RIC3: variants seen among roughly 807,000 people sequenced by gnomAD.
RIC3 encodes RIC3 acetylcholine receptor chaperone, also known as protein RIC-3.
In RIC3, 28 loss-of-function variants were observed where a neutral mutation model predicts 27.3. That is an observed-to-expected ratio of 1.02 (90% CI 0.76 to 1.41). The LOEUF (loss-of-function observed/expected upper bound fraction) is 1.41, where lower values mean the gene tolerates loss of function less well. Ranked by LOEUF, RIC3 falls within the 40% of genes most tolerant of loss-of-function variation. The pLI, the probability that RIC3 is intolerant of heterozygous loss-of-function variation, is 0.00. For synonymous variants in RIC3, 184 were observed against 160.4 expected, an observed-to-expected ratio of 1.15 and a Z score of -1.11; for missense variants, 501 against 444.7, an observed-to-expected ratio of 1.13 and a Z score of -1.14.
At chr11:8,111,826 G>C (rs1481262824) in intron 5 of RIC3, among the ~76,000 whole-genome samples, 1 of 152,228 alleles carries the variant, frequency 6.6e-6, no homozygotes, top group South Asian at 2.1e-4. Flanking sequence ...CTAGGATAAT[G>C]AGAAAAGAGA....
chr11:8,094,088 C>T, the RIC3 span: 21 of 1,614,186 alleles, frequency 1.3e-5, no homozygotes, highest in Non-Finnish European at 1.7e-5. Context: ...CTGGGAGCCA[C>T]GCGCCCAACA....
chr11:8,096,925 T>G, the RIC3 span: 121 of 1,196,664 alleles, frequency 1.0e-4, 4 homozygotes, highest in South Asian at 1.6e-3. Flanking sequence ...TGGCCTCTTA[T>G]GTCCCTCTAC....
Position 8,168,918 on chromosome 11 carries a change from G to C in RIC3, c.72C>G (p.Pro24=), listed in dbSNP as rs1004047956. The C allele has an allele frequency of 6.2e-7, 1 of 1,612,192 alleles. No homozygotes were observed. The highest frequency in any genetic ancestry group is 8.5e-7 in the Non-Finnish European group (1 of 1,179,134). ...GLVLALSLLL[P]KAFLSRGKRQ... is the part of the protein sequence containing the mutation. ...GCTTCCCGCGGGACAGGAAGGCCTT[G>C]GGCAGCAGCAGCGACAGAGCCAGGA... Residue 24 remains proline, a synonymous_variant, in exon 1 of 6, where the codon CCC becomes CCG. Coordinates refer to ENST00000309737, the MANE Select transcript of RIC3 (RefSeq NM_001206671.4).
At chr11:8,151,414 C>T (rs933866909) in intron 1 of RIC3, among the ~76,000 whole-genome samples, 4 of 150,530 alleles carry the variant, frequency 2.7e-5, no homozygotes, top group Admixed American at 1.3e-4. Flanking sequence ...GGTGAAACCC[C>T]GTCTCTACTA....
intron 5 of RIC3, among the ~76,000 whole-genome samples, chr11:8,119,725 C>A (rs1321491988): frequency 6.6e-6 from 1 of 152,158 alleles, no homozygotes; most frequent in African/African-American, 2.4e-5. Context: ...AGCTTCTGCA[C>A]AGCAAAAGAA....
At chr11:8,148,790 A>G (rs762235159) in intron 1 of RIC3, among the ~76,000 whole-genome samples, 1 of 152,144 alleles carries the variant, frequency 6.6e-6, no homozygotes, top group South Asian at 2.1e-4. Context: ...AAAGACATAA[A>G]TAACAGCAGC....
In RIC3 at chr11:8,134,195, T is replaced by A. The variant is rs185814729; in HGVS notation, c.521+3183A>T. On this transcript the variant is annotated intron_variant, in intron 4 of 5. Transcript: ENST00000309737. ...AGTGTGTGATGTTCCCCTTCCTGTG[T>A]CCAAGTGTTCTCATTGTTCAATTCC... is the stretch of plus-strand genomic sequence containing the variant. Among the ~76,000 whole-genome samples the A allele has an allele frequency of 5.0e-3, 756 of 152,242 alleles. 8 individuals carry two copies. The highest frequency in any genetic ancestry group is 0.018 in the African/African-American group (729 of 41,538).
chr11:8,162,684 C>T (rs1324434469), intron 1 of RIC3, among the ~76,000 whole-genome samples: 4 of 122,234 alleles, frequency 3.3e-5, no homozygotes, highest in Non-Finnish European at 4.8e-5. Context: ...CTCACTCTGT[C>T]GCCCAGGCTG....
downstream of RIC3, chr11:8,101,856 G>GATACGGCAA: frequency 2.9e-5 from 14 of 482,810 alleles, no homozygotes; most frequent in South Asian, 1.1e-4. Flanking sequence ...TTCTTTCCAT[G>GATACGGCAA]CCACGAGATC....
rs943111962 is a variant in RIC3, at chr11:8,106,116, A to AT, written c.*4581dup. On this transcript the variant is annotated 3_prime_UTR_variant, in exon 6 of 6. Coordinates refer to ENST00000309737, the MANE Select transcript of RIC3 (RefSeq NM_001206671.4). The stretch of plus-strand genomic sequence containing the variant: ...AACTTTGGTATTCTGGAGCAAATGT[A>AT]TTTATTTATTGGTATGTGCAATGAC... 5 of 151,714 alleles carry AT rather than the reference A, an allele frequency of 3.3e-5. No individual in the cohort carries two copies. The highest frequency in any genetic ancestry group is 1.2e-4 in the African/African-American group (5 of 41,436). 9.4% of individuals were successfully genotyped at this position (151,714 alleles called of 1,614,324 possible).
At chr11:8,098,865 C>T in the RIC3 span, 1 of 1,613,344 alleles carries the variant, frequency 6.2e-7, no homozygotes, top group Non-Finnish European at 8.5e-7. Flanking sequence ...GAGCTGGCAG[C>T]TGTGTGCTAC....
intron 5 of RIC3, among the ~76,000 whole-genome samples, chr11:8,111,383 T>C (rs540476194): frequency 3.0e-4 from 46 of 152,192 alleles, no homozygotes; most frequent in Non-Finnish European, 6.2e-4. Flanking sequence ...TGTAGGGTGC[T>C]TGGGGCAGAG....
intron 2 of RIC3, 153 bp from the exon 3 acceptor site, chr11:8,138,500 A>C (rs563809643): frequency 2.0e-6 from 1 of 512,742 alleles, no homozygotes; most frequent in South Asian, 3.7e-5. Context: ...TCAAAAAAAA[A>C]AACGCCAAAA....
chr11:8,094,137 A>C, the RIC3 span: 5 of 1,614,124 alleles, frequency 3.1e-6, no homozygotes. Flanking sequence ...CGGCAGCTAC[A>C]GCAGGGGGCC....
rs144558567 is a variant in RIC3, at chr11:8,160,885, C to T, written c.124+7981G>A. On this transcript the variant is annotated intron_variant, in intron 1 of 5. Transcript: ENST00000309737. ...GACTGAAGAAAGGGACATAATACTA[C>T]TTTTCCAATTCCTGGATTAATCATC... Among the ~76,000 whole-genome samples the T allele has an allele frequency of 2.7e-4, 41 of 152,324 alleles. 2 individuals carry two copies. The highest frequency in any genetic ancestry group is 8.7e-4 in the African/African-American group (36 of 41,574).
intron 1 of RIC3, among the ~76,000 whole-genome samples, chr11:8,161,268 C>T (rs4758299): frequency 0.071 from 10,765 of 152,184 alleles, 449 homozygotes; most frequent in Admixed American, 0.12. Context: ...GTTTCTTGCA[C>T]GACTCAGCTT....
At chr11:8,165,397 A>G (rs1256014028) in intron 1 of RIC3, among the ~76,000 whole-genome samples, 1 of 149,204 alleles carries the variant, frequency 6.7e-6, no homozygotes, top group African/African-American at 2.5e-5. Context: ...ATGAACCTTG[A>G]AAACATTATG....
At chr11:8,134,265 A>G (rs1284455676) in intron 4 of RIC3, among the ~76,000 whole-genome samples, 1 of 152,072 alleles carries the variant, frequency 6.6e-6, no homozygotes, top group Non-Finnish European at 1.5e-5. Flanking sequence ...TTATCCTTGC[A>G]ATAGTTTGCT....
chr11:8,120,383 C>T (rs768144079), intron 5 of RIC3, among the ~76,000 whole-genome samples: 8 of 152,010 alleles, frequency 5.3e-5, no homozygotes, highest in Non-Finnish European at 1.0e-4. Flanking sequence ...AGTTCATGTC[C>T]CTTGCAGGGA....
Sources: gnomAD v4.1 joint callset for allele counts (sites outside exome capture counted in the v4.1 genomes callset) on GRCh38, gnomAD v4.1.1 for gene constraint, MANE v1.5 for transcripts, NCBI Gene and HGNC (gene_info 2026-07-23, HGNC 2026-07-21) for gene names.